Variants in NSMCE2 observed in about 807,000 individuals in gnomAD.
The protein encoded by NSMCE2 is NSE2 SUMO ligase component of SMC5/6 complex, also known as E3 SUMO-protein ligase NSE2.
In NSMCE2, 24 loss-of-function variants were observed where a neutral mutation model predicts 23.8. The ratio of observed to expected loss-of-function variants is 1.01; its 90% CI spans 0.73 to 1.42. NSMCE2 has a LOEUF of 1.42. NSMCE2 is among the 40% of genes most tolerant of loss of function. The pLI is 0.00. For missense variants in NSMCE2, 284 were observed against 296.5 expected, an observed-to-expected ratio of 0.96 and a Z score of 0.31; for synonymous variants, 92 against 94.1, an observed-to-expected ratio of 0.98 and a Z score of 0.13.
intron 5 of NSMCE2, among the ~76,000 whole-genome samples, chr8:125,293,419 C>T (rs1216981803): frequency 1.3e-5 from 2 of 152,160 alleles, no homozygotes; most frequent in Non-Finnish European, 2.9e-5. Context: ...TGGTGCTGAC[C>T]AGCTTTCCCC....
At chr8:125,240,805 T>C (rs1357069249) in intron 5 of NSMCE2, among the ~76,000 whole-genome samples, 2 of 152,188 alleles carry the variant, frequency 1.3e-5, no homozygotes, top group Non-Finnish European at 2.9e-5. Context: ...TGTAGAATTA[T>C]TGGTTTTTGA....
At chr8:125,255,605 A>G (rs1826372313) in intron 5 of NSMCE2, among the ~76,000 whole-genome samples, 1 of 152,182 alleles carries the variant, frequency 6.6e-6, no homozygotes, top group African/African-American at 2.4e-5. Flanking sequence ...ATGAGCACTT[A>G]GGTGTTGCTG....
intron 5 of NSMCE2, among the ~76,000 whole-genome samples, chr8:125,210,440 G>T (rs192080696): frequency 6.6e-6 from 1 of 152,148 alleles, no homozygotes; most frequent in African/African-American, 2.4e-5. Context: ...CAATTTTTAT[G>T]TCCTCAGCAG....
intron 4 of NSMCE2, among the ~76,000 whole-genome samples, chr8:125,162,227 A>AT (rs1821665571): frequency 6.6e-6 from 1 of 152,200 alleles, no homozygotes; most frequent in African/African-American, 2.4e-5. Context: ...GGTAAAAAAA[A>AT]TTTTAATTGT....
At chr8:125,224,914 A>G (rs1178058674) in intron 5 of NSMCE2, among the ~76,000 whole-genome samples, 2 of 152,208 alleles carry the variant, frequency 1.3e-5, no homozygotes, top group African/African-American at 4.8e-5. Flanking sequence ...TTATTGAGGA[A>G]AAAGAAAAAA....
At chr8:125,221,204 C>G (rs890378967) in intron 5 of NSMCE2, among the ~76,000 whole-genome samples, 1 of 152,190 alleles carries the variant, frequency 6.6e-6, no homozygotes, top group Non-Finnish European at 1.5e-5. Context: ...AAATGAGTCT[C>G]AGCATAGCCC....
At chr8:125,243,890 A>T (rs559662810) in intron 5 of NSMCE2, among the ~76,000 whole-genome samples, 12 of 152,348 alleles carry the variant, frequency 7.9e-5, no homozygotes, top group African/African-American at 2.9e-4. Context: ...CAACAGGAAG[A>T]TCATCTTTGT....
chr8:125,305,161 A>G (rs2131211939), intron 5 of NSMCE2, among the ~76,000 whole-genome samples: 1 of 152,356 alleles, frequency 6.6e-6, no homozygotes, highest in East Asian at 1.9e-4. Context: ...GGTACAGAGA[A>G]TAATAAAAGG....
chr8:125,173,413 A>G (rs1428976195), intron 4 of NSMCE2, among the ~76,000 whole-genome samples: 1 of 152,192 alleles, frequency 6.6e-6, no homozygotes, highest in Non-Finnish European at 1.5e-5. Flanking sequence ...AATGTTTTGT[A>G]TTATTCACTG....
intron 5 of NSMCE2, among the ~76,000 whole-genome samples, chr8:125,272,477 C>G (rs1186988101): frequency 6.6e-6 from 1 of 150,394 alleles, no homozygotes; most frequent in Admixed American, 6.7e-5. Context: ...AATGACTAAC[C>G]CGGCACATGG....
Position 125,215,288 on chromosome 8 carries a change from G to A in NSMCE2, c.418+33032G>A, listed in dbSNP as rs199921947. Among the ~76,000 whole-genome samples, 206 of 147,614 alleles carry A rather than the reference G, an allele frequency of 1.4e-3. 2 individuals carry two copies. The East Asian group carries it at 0.018, about 13-fold the overall frequency. The stretch of plus-strand genomic sequence containing the variant: ...TTCCCACCTATGAGTGAGAATATGC[G>A]GTGTTTGGTTTTTTGTTCTTGCGAT... On this transcript the variant is annotated intron_variant, in intron 5 of 7. Transcript: ENST00000287437.
At chr8:125,303,711 G>A (rs1404990206) in intron 5 of NSMCE2, among the ~76,000 whole-genome samples, 1 of 152,138 alleles carries the variant, frequency 6.6e-6, no homozygotes, top group Non-Finnish European at 1.5e-5. Flanking sequence ...GTAAAACAGA[G>A]AGGAAATTTA....
chr8:125,122,723 G>A (rs770546585), intron 3 of NSMCE2, among the ~76,000 whole-genome samples: 2 of 152,102 alleles, frequency 1.3e-5, no homozygotes, highest in Non-Finnish European at 2.9e-5. Flanking sequence ...AAACAGCAGA[G>A]CACTTCTTTG....
In NSMCE2 at chr8:125,189,315, G is replaced by C. The variant is rs183871003; in HGVS notation, c.418+7059G>C. ...TTACTGCTCTGTCCTGCATCCATTG[G>C]CTGGAGCTGAACCTCACAATCTTAA... On this transcript the variant is annotated intron_variant, in intron 5 of 7. Transcript: ENST00000287437. Among the ~76,000 whole-genome samples the C allele has an allele frequency of 1.2e-4, 19 of 152,300 alleles. No homozygotes were observed. In the East Asian group the frequency reaches 2.1e-3, roughly 17 times the overall value.
At chr8:125,121,897 A>T (rs1225530568) in intron 3 of NSMCE2, among the ~76,000 whole-genome samples, 1 of 152,178 alleles carries the variant, frequency 6.6e-6, no homozygotes, top group African/African-American at 2.4e-5. Context: ...AACCACAATA[A>T]TGGATTTCAG....
intron 5 of NSMCE2, among the ~76,000 whole-genome samples, chr8:125,286,315 A>AT (rs57559309): frequency 1.4e-3 from 207 of 148,352 alleles, no homozygotes; most frequent in Middle Eastern, 6.9e-3. Flanking sequence ...CCTTTTATTT[A>AT]TTTTTTTTTT....
intron 5 of NSMCE2, among the ~76,000 whole-genome samples, chr8:125,192,465 G>C (rs1823398721): frequency 6.6e-6 from 1 of 151,798 alleles, no homozygotes; most frequent in African/African-American, 2.4e-5. Context: ...AATGTTTCAA[G>C]TTAATATTGT....
intron 7 of NSMCE2, among the ~76,000 whole-genome samples, chr8:125,365,294 C>T (rs1044277022): frequency 6.6e-5 from 10 of 152,292 alleles, no homozygotes; most frequent in East Asian, 5.8e-4. Flanking sequence ...TCTTCCCTTT[C>T]GCTTATGCTC....
At chr8:125,252,395 T>C (rs753659227) in intron 5 of NSMCE2, among the ~76,000 whole-genome samples, 20 of 152,134 alleles carry the variant, frequency 1.3e-4, no homozygotes, top group East Asian at 1.9e-4. Flanking sequence ...GATGTGGTGG[T>C]GGGTGCCTGT....
Sources: gnomAD v4.1 joint callset for allele counts (sites outside exome capture counted in the v4.1 genomes callset) on GRCh38, gnomAD v4.1.1 for gene constraint, MANE v1.5 for transcripts, NCBI Gene and HGNC (gene_info 2026-07-23, HGNC 2026-07-21) for gene names.